The following KIF13B variants were observed in gnomAD, a reference collection of about 807,000 sequenced individuals.
KIF13B encodes the protein kinesin-like protein KIF13B.
Under a neutral mutation model 222.0 loss-of-function variants are expected in KIF13B, and 127 were observed. The ratio of observed to expected loss-of-function variants is 0.57; its 90% CI spans 0.50 to 0.66. The LOEUF (loss-of-function observed/expected upper bound fraction) is 0.66. Among genes scored for constraint, KIF13B ranks in the 30% least tolerant of loss-of-function variants. The pLI is 0.00. For synonymous variants in KIF13B, 976 were observed against 919.0 expected (o/e 1.06, Z -1.12); for missense variants, 2,173 against 2,379.0 (o/e 0.91, Z 1.80).
intron 23 of KIF13B, among the ~76,000 whole-genome samples, chr8:29,131,224 T>C (rs148698805): frequency 0.01 from 1,556 of 151,946 alleles, 15 homozygotes; most frequent in African/African-American, 0.022. Flanking sequence ...CTGAGTACTA[T>C]GCTTACTACC....
At chr8:29,085,856 A>C (rs1808029942) in intron 37 of KIF13B, among the ~76,000 whole-genome samples, 1 of 142,704 alleles carries the variant, frequency 7.0e-6, no homozygotes, top group African/African-American at 2.9e-5. Context: ...TAACAAAAAA[A>C]AAAAAAAAAA....
intron 2 of KIF13B, among the ~76,000 whole-genome samples, chr8:29,217,629 A>G (rs1361737846): frequency 6.6e-6 from 1 of 152,254 alleles, no homozygotes; most frequent in Non-Finnish European, 1.5e-5. Context: ...CTGAACAAAG[A>G]GAAAGAATTT....
chr8:29,205,141 A>T (rs767158870), intron 2 of KIF13B, among the ~76,000 whole-genome samples: 1 of 152,044 alleles, frequency 6.6e-6, no homozygotes, highest in African/African-American at 2.4e-5. Context: ...GTGAGCTATG[A>T]TCACACCACT....
rs1813899143 is a variant in KIF13B, at chr8:29,205,690, T to C, written c.150-9491A>G. 2.0e-5 allele frequency among the ~76,000 whole-genome samples: 3 copies of C among 152,174 alleles called. No individual in the cohort carries two copies. In the South Asian group the frequency reaches 6.2e-4, roughly 31 times the overall value. On this transcript the variant is annotated intron_variant, in intron 2 of 39. Coordinates refer to ENST00000524189, the MANE Select transcript of KIF13B (RefSeq NM_015254.4). ...CCTCGCAGCAGTAATGTCATTAGAA[T>C]TAATAGCTATGAAATCAAATTAAAC... is the stretch of plus-strand genomic sequence containing the variant.
intron 10 of KIF13B, among the ~76,000 whole-genome samples, chr8:29,175,826 G>A (rs1391191713): frequency 6.6e-6 from 1 of 152,232 alleles, no homozygotes; most frequent in Non-Finnish European, 1.5e-5. Flanking sequence ...AAGCAATCGT[G>A]TGATTCCGTG....
chr8:29,115,062 T>G (rs1430185705), intron 31 of KIF13B, among the ~76,000 whole-genome samples: 1 of 152,230 alleles, frequency 6.6e-6, no homozygotes, highest in African/African-American at 2.4e-5. Context: ...AGAGCTGCAA[T>G]TTTAATGGCA....
chr8:29,217,464 C>T (rs1814537488), intron 2 of KIF13B, among the ~76,000 whole-genome samples: 1 of 152,170 alleles, frequency 6.6e-6, no homozygotes, highest in Non-Finnish European at 1.5e-5. Flanking sequence ...ATGTAGCCAA[C>T]AAGAGAGCCT....
intron 37 of KIF13B, among the ~76,000 whole-genome samples, chr8:29,076,216 A>G (rs1438270385): frequency 6.6e-6 from 1 of 152,208 alleles, no homozygotes; most frequent in South Asian, 2.1e-4. Context: ...AGCTGGGAAC[A>G]TGCCACTTCT....
intron 2 of KIF13B, among the ~76,000 whole-genome samples, chr8:29,199,016 T>C (rs979111733): frequency 6.6e-6 from 1 of 152,038 alleles, no homozygotes; most frequent in African/African-American, 2.4e-5. Context: ...GAAGTCCCCA[T>C]TGTATAACTC....
At chr8:29,208,732 T>C (rs925961648) in intron 2 of KIF13B, among the ~76,000 whole-genome samples, 13 of 152,202 alleles carry the variant, frequency 8.5e-5, no homozygotes, top group Non-Finnish European at 2.9e-5. Context: ...TCAGTGACTC[T>C]TAGCTTCCTT....
chr8:29,188,352 A>T (rs1813031284), intron 5 of KIF13B, among the ~76,000 whole-genome samples, 163 bp downstream of exon 5: 1 of 152,214 alleles, frequency 6.6e-6, no homozygotes, highest in African/African-American at 2.4e-5. Flanking sequence ...ATTTTATTAC[A>T]CTCATTTTAA....
At chr8:29,177,627 T>C in intron 8 of KIF13B, 49 bp from the exon 9 acceptor site, 1 of 1,241,374 alleles carries the variant, frequency 8.1e-7, no homozygotes, top group East Asian at 2.4e-5. Context: ...CAGGGCCAGG[T>C]GTGGTGGCTC....
chr8:29,220,194 C>T (rs540674678), intron 2 of KIF13B, among the ~76,000 whole-genome samples: 47 of 152,306 alleles, frequency 3.1e-4, no homozygotes, highest in Admixed American at 7.8e-4. Context: ...TGTAAGGCTA[C>T]GTGAGACTTG....
At chr8:29,075,192 A>G in intron 38 of KIF13B, 89 bp downstream of exon 38, 1 of 1,001,746 alleles carries the variant, frequency 1.0e-6, no homozygotes, top group Non-Finnish European at 1.5e-6. Context: ...GCTAACATCA[A>G]AAACTGTGGG....
At position 29,167,395 on chromosome 8, in the gene KIF13B, C is replaced by T. The variant is rs1812052781; in HGVS notation, c.1136G>A (p.Arg379Gln). 13 of 1,612,684 alleles carry T rather than the reference C, an allele frequency of 8.1e-6. No individual in the cohort carries two copies. Among genetic ancestry groups the T allele is most frequent in the African/African-American group, 2.7e-5 (2 of 74,888 alleles). ...TACCTCTGCTTTGGTCAGCTGCTCC[C>T]GGAGTTTCTCAACTTCTTCCCGGAG... ...RDLREEVEKL[R>Q]EQLTKAEAMK... The change falls in exon 11 of 40, where the codon CGG becomes CAG. Residue 379 changes from arginine (R) to glutamine (Q), a missense_variant. By Grantham distance (43) the Arg-to-Gln change is conservative. Coordinates refer to ENST00000524189, the MANE Select transcript of KIF13B (RefSeq NM_015254.4).
chr8:29,143,492 T>C (rs1251303643), intron 18 of KIF13B, among the ~76,000 whole-genome samples: 7 of 152,228 alleles, frequency 4.6e-5, no homozygotes, highest in Non-Finnish European at 4.4e-5. Context: ...CAGAACTAGA[T>C]GGAAGCGGTG....
In KIF13B at chr8:29,237,415, G is replaced by A. The variant is rs548079753; in HGVS notation, c.149+7931C>T. ...AGAATTCTAGGGAAATTCAAAACAC[G>A]TAATTCCTATTATCCATAACTAACT... On this transcript the variant is annotated intron_variant, in intron 2 of 39. Transcript: ENST00000524189. 2.6e-5 allele frequency among the ~76,000 whole-genome samples: 4 copies of A among 152,054 alleles called. No individual in the cohort carries two copies. The South Asian group carries it at 8.3e-4, about 32-fold the overall frequency.
intron 1 of KIF13B, among the ~76,000 whole-genome samples, chr8:29,255,146 G>A (rs1484823728): frequency 1.3e-5 from 2 of 152,164 alleles, no homozygotes; most frequent in African/African-American, 2.4e-5. Flanking sequence ...GGGAAATGGA[G>A]ACTGACTGCT....
chr8:29,206,278 A>G (rs1311230920), intron 2 of KIF13B, among the ~76,000 whole-genome samples: 2 of 152,126 alleles, frequency 1.3e-5, no homozygotes, highest in East Asian at 3.8e-4. Flanking sequence ...ATTGAAAAGA[A>G]AAACAAAAGG....
Sources: allele counts gnomAD v4.1 joint callset (sites outside exome capture counted in the v4.1 genomes callset), GRCh38; gene constraint gnomAD v4.1.1; transcripts MANE v1.5; gene names NCBI Gene and HGNC (gene_info 2026-07-23, HGNC 2026-07-21).